Variants in ROCK1 observed in about 807,000 individuals in gnomAD.
ROCK1 encodes rho-associated protein kinase 1.
A neutral mutation model predicts 196.8 loss-of-function variants in ROCK1; 36 were observed. The observed-to-expected ratio is 0.18, with a 90% confidence interval of 0.14 to 0.24. The LOEUF is 0.24. Among genes scored for constraint, ROCK1 ranks in the 10% least tolerant of loss-of-function variants. The probability of loss-of-function intolerance (pLI) is 1.00; values close to 1 mark genes in which losing one functional copy is unlikely to be tolerated. For missense variants in ROCK1, 920 were observed against 1,562.0 expected (o/e 0.59, Z 6.93); for synonymous variants, 443 against 515.9 (o/e 0.86, Z 1.91).
chr18:20,971,223 A>G (rs2035422851), intron 22 of ROCK1, among the ~76,000 whole-genome samples: 1 of 151,510 alleles, frequency 6.6e-6, no homozygotes, highest in South Asian at 2.1e-4. Flanking sequence ...CTGAATGAGT[A>G]ACTTCCACCT....
chr18:21,076,844 G>T (rs1199682799), intron 1 of ROCK1, among the ~76,000 whole-genome samples: 1 of 151,892 alleles, frequency 6.6e-6, no homozygotes, highest in Non-Finnish European at 1.5e-5. Context: ...GGAAAATTTA[G>T]GTTTATAGCA....
chr18:20,974,102 T>C (rs2035456679), intron 22 of ROCK1, among the ~76,000 whole-genome samples: 1 of 152,170 alleles, frequency 6.6e-6, no homozygotes, highest in South Asian at 2.1e-4. Context: ...TTCTCTTTCT[T>C]GAAATATCCT....
intron 22 of ROCK1, among the ~76,000 whole-genome samples, chr18:20,972,404 A>G (rs1379934781): frequency 6.6e-6 from 1 of 152,160 alleles, no homozygotes; most frequent in Non-Finnish European, 1.5e-5. Flanking sequence ...AGAGATGTCA[A>G]TTAGACAGCT....
In ROCK1 at chr18:21,004,071, T is replaced by C. The variant is rs1190157147; in HGVS notation, c.1885+2280A>G. Among the ~76,000 whole-genome samples the C allele has an allele frequency of 3.3e-5, 5 of 152,284 alleles. No homozygotes were observed. The South Asian group carries it at 8.3e-4, about 25-fold the overall frequency. On this transcript the variant is annotated intron_variant, in intron 16 of 32. Coordinates refer to ENST00000399799, the MANE Select transcript of ROCK1 (RefSeq NM_005406.3). ...TTTGATCACTTTCATTAAGCCTCTA[T>C]AGCCTGAACTTTTGGAAACTTTCCC...
intron 4 of ROCK1, among the ~76,000 whole-genome samples, chr18:21,046,619 G>A (rs1317780344): frequency 4.6e-5 from 7 of 152,256 alleles, no homozygotes; most frequent in East Asian, 3.9e-4. Flanking sequence ...TGAAATTAGC[G>A]AGGATATCAG....
At chr18:20,972,889 G>C (rs1382894423) in intron 22 of ROCK1, among the ~76,000 whole-genome samples, 2 of 152,216 alleles carry the variant, frequency 1.3e-5, no homozygotes, top group African/African-American at 4.8e-5. Context: ...TGTAGATAAT[G>C]TAGTTAAAAG....
rs761160404 is a variant in ROCK1 at position 21,045,420 on chromosome 18, T to C, written c.462A>G (p.Glu154=). 31 of 1,613,540 alleles carry C rather than the reference T, an allele frequency of 1.9e-5. No homozygotes were observed. The highest frequency in any genetic ancestry group is 2.7e-5 in the African/African-American group (2 of 74,912). ...QDDRYLYMVM[E]YMPGGDLVNL... The stretch of plus-strand genomic sequence containing the variant: ...TTACAAGATCTCCACCAGGCATGTA[T>C]TCCATCACCATGTAGAGATAACGAT... Residue 154 remains glutamate (E), a synonymous_variant, in exon 5 of 33, where the codon GAA becomes GAG. Coordinates refer to ENST00000399799, the MANE Select transcript of ROCK1 (RefSeq NM_005406.3).
chr18:21,067,890 T>C (rs111897671), intron 2 of ROCK1, among the ~76,000 whole-genome samples: 1 of 152,202 alleles, frequency 6.6e-6, no homozygotes, highest in African/African-American at 2.4e-5. Flanking sequence ...TTAATTTTTG[T>C]ACATGATATG....
chr18:21,111,300 G>A lies in ROCK1; in HGVS notation c.-390C>T. 2 of 465,344 alleles carry A rather than the reference G, an allele frequency of 4.3e-6. No homozygotes were observed. The highest frequency in any genetic ancestry group is 7.5e-6 in the Non-Finnish European group (2 of 265,900). The allele number at this position is 465,344 out of a possible 1,614,324, so 28.8% of individuals were successfully genotyped here. ...GGTAGAGAAAGAGAAGCAGGGTGGA[G>A]ACTCCCTCCGGGCAACAAGGGAGGG... On this transcript the variant is annotated 5_prime_UTR_variant, in exon 1 of 33. Coordinates refer to ENST00000399799, the MANE Select transcript of ROCK1 (RefSeq NM_005406.3). The surrounding 1 kb of genome is among the most constrained non-coding windows in gnomAD (Gnocchi z 4.2).
At chr18:20,967,412 C>T (rs189960984) in intron 26 of ROCK1, among the ~76,000 whole-genome samples, 12 of 152,186 alleles carry the variant, frequency 7.9e-5, no homozygotes, top group African/African-American at 2.9e-4. Context: ...AAAACCATAA[C>T]TGATGGAGCT....
chr18:20,959,093 AATATATATATT>A (rs1198891165), intron 29 of ROCK1, among the ~76,000 whole-genome samples: 1,047 of 32,364 alleles, frequency 0.032, 51 homozygotes, highest in African/African-American at 0.065. Flanking sequence ...TATTTTATAT[AATATATATATT>A]ATATATATAT....
intron 1 of ROCK1, among the ~76,000 whole-genome samples, chr18:21,078,341 T>TACACACACACACACACAC (rs59499705): frequency 7.8e-6 from 1 of 128,852 alleles, no homozygotes; most frequent in African/African-American, 3.1e-5. Context: ...AACACCCACC[T>TACACACACACACACACAC]ACACACACAC....
In ROCK1 at chr18:21,049,237, A is replaced by G. The variant is rs371291500; in HGVS notation, c.277-8T>C. ...GGTGGATTTATGCCTTACCTTTAAAATTGAAAAGGGAAAATAATGAACCTT... is the reference window on the plus strand; with the variant it reads ...GGTGGATTTATGCCTTACCTTTAAAGTTGAAAAGGGAAAATAATGAACCTT... On this transcript the variant is annotated splice_region_variant and splice_polypyrimidine_tract_variant and intron_variant, in intron 3 of 32. Coordinates refer to ENST00000399799, the MANE Select transcript of ROCK1 (RefSeq NM_005406.3). The G allele has an allele frequency of 5.1e-6, 8 of 1,559,828 alleles. No homozygotes were observed. Among genetic ancestry groups the G allele is most frequent in the Non-Finnish European group, 6.9e-6 (8 of 1,153,020 alleles).
chr18:21,013,934 C>T (rs1406392422), intron 13 of ROCK1, among the ~76,000 whole-genome samples: 6 of 152,012 alleles, frequency 3.9e-5, no homozygotes, highest in African/African-American at 9.6e-5. Context: ...GGCATGGTGG[C>T]GGGCGCCTGT....
intron 1 of ROCK1, among the ~76,000 whole-genome samples, chr18:21,091,590 G>A (rs937491891): frequency 1.3e-5 from 2 of 152,162 alleles, no homozygotes; most frequent in South Asian, 2.1e-4. Context: ...GTGACAGAGC[G>A]AGATTCCATC....
chr18:20,964,292 A>AT (rs2143347380), intron 27 of ROCK1, among the ~76,000 whole-genome samples: 1 of 152,272 alleles, frequency 6.6e-6, no homozygotes, highest in South Asian at 2.1e-4. Context: ...CCTTCAAGAA[A>AT]TTTTTTAGAC....
chr18:21,110,886 T>C lies in ROCK1; in HGVS notation c.25A>G (p.Thr9Ala), dbSNP rs1232353989. 9.3e-6 allele frequency: 15 copies of C among 1,613,878 alleles called. No individual in the cohort carries two copies. Among genetic ancestry groups the C allele is most frequent in the Middle Eastern group, 1.6e-4 (1 of 6,084 alleles). Reference sequence around the variant, plus strand: ...AGGTTGTCCATTTTTTCAAATCGAGTCTCAAAACTGTCCCCAGTCGACATG... The same window carrying C: ...AGGTTGTCCATTTTTTCAAATCGAGCCTCAAAACTGTCCCCAGTCGACATG... MSTGDSFE[T>A]RFEKMDNLLR... Residue 9 changes from threonine (T) to alanine (A), a missense_variant, in exon 1 of 33, where the codon ACT (threonine) becomes GCT (alanine). By Grantham distance (58) the Thr-to-Ala change is moderately conservative. Coordinates refer to ENST00000399799, the MANE Select transcript of ROCK1 (RefSeq NM_005406.3).
chr18:21,007,692 T>C (rs1456255988), intron 14 of ROCK1, among the ~76,000 whole-genome samples: 2 of 152,128 alleles, frequency 1.3e-5, no homozygotes, highest in Admixed American at 1.3e-4. Flanking sequence ...AGCTGCTTGT[T>C]AGAAGTACCT....
chr18:21,031,881 A>AG (rs750064707), intron 9 of ROCK1, among the ~76,000 whole-genome samples: 1 of 152,172 alleles, frequency 6.6e-6, no homozygotes, highest in East Asian at 1.9e-4. Context: ...GAACAGGCAG[A>AG]GGAAAAAAAA....
Sources: gnomAD v4.1 joint callset for allele counts (sites outside exome capture counted in the v4.1 genomes callset) on GRCh38, gnomAD v4.1.1 for gene constraint, Gnocchi (gnomAD v3.1) non-coding constraint, MANE v1.5 for transcripts, NCBI Gene and HGNC (gene_info 2026-07-23, HGNC 2026-07-21) for gene names.